The following SPIDR variants were observed in gnomAD, a reference collection of about 807,000 sequenced individuals.
The protein encoded by SPIDR is DNA repair-scaffolding protein.
A neutral mutation model predicts 104.6 loss-of-function variants in SPIDR; 93 were observed. The observed-to-expected ratio is 0.89, with a 90% CI of 0.75 to 1.06. The LOEUF is 1.06. SPIDR is among the 50% of genes least tolerant of loss of function. The probability of loss-of-function intolerance (pLI) is 0.00; values close to 1 mark genes in which losing one functional copy is unlikely to be tolerated. For synonymous variants in SPIDR, 431 were observed against 416.9 expected, an observed-to-expected ratio of 1.03 and a Z score of -0.41; for missense variants, 1,154 against 1,111.2, an observed-to-expected ratio of 1.04 and a Z score of -0.55.
chr8:47,547,107 A>G (rs1201760852), intron 8 of SPIDR: 13 of 572,714 alleles, frequency 2.3e-5, no homozygotes, highest in South Asian at 1.1e-4. Context: ...TTCCAAATCA[A>G]TCTGAATGGG....
At chr8:47,570,990 C>CT (rs971012385) in intron 8 of SPIDR, among the ~76,000 whole-genome samples, 2 of 151,956 alleles carry the variant, frequency 1.3e-5, no homozygotes, top group African/African-American at 2.4e-5. Context: ...ACTCGGGAAG[C>CT]TGAGACAGGA....
intron 8 of SPIDR, among the ~76,000 whole-genome samples, chr8:47,521,962 G>A (rs991104225): frequency 2.0e-4 from 31 of 151,244 alleles, no homozygotes; most frequent in African/African-American, 2.7e-4. Context: ...TCAGGAGTTC[G>A]AGACCAGCCT....
intron 5 of SPIDR, among the ~76,000 whole-genome samples, chr8:47,325,141 A>AT (rs2047445489): frequency 6.6e-6 from 1 of 152,212 alleles, no homozygotes; most frequent in Non-Finnish European, 1.5e-5. Context: ...AGCCTATAAT[A>AT]GTGCTATAAA....
intron 19 of SPIDR, chr8:47,732,341 A>T: frequency 1.6e-6 from 1 of 636,500 alleles, no homozygotes; most frequent in Non-Finnish European, 2.8e-6. Context: ...ACCTTTGCCC[A>T]TGCCCGTGTG....
intron 7 of SPIDR, among the ~76,000 whole-genome samples, chr8:47,435,131 C>T (rs1413888325): frequency 6.6e-6 from 1 of 152,038 alleles, no homozygotes; most frequent in Non-Finnish European, 1.5e-5. Context: ...GTAGCTGAAA[C>T]TACAGTATAC....
intron 8 of SPIDR, among the ~76,000 whole-genome samples, chr8:47,468,059 C>T (rs1174259404): frequency 1.3e-5 from 2 of 151,984 alleles, no homozygotes; most frequent in Non-Finnish European, 2.9e-5. Flanking sequence ...TTCTATACAC[C>T]AGCCATCAAG....
At chr8:47,406,847 G>GT (rs1251842737) in intron 6 of SPIDR, among the ~76,000 whole-genome samples, 1 of 152,108 alleles carries the variant, frequency 6.6e-6, no homozygotes, top group Non-Finnish European at 1.5e-5. Context: ...CTAAATTCTG[G>GT]TTTTATCATC....
chr8:47,558,731 C>T (rs2056680384), intron 8 of SPIDR, among the ~76,000 whole-genome samples: 1 of 152,118 alleles, frequency 6.6e-6, no homozygotes, highest in African/African-American at 2.4e-5. Context: ...GCTCCGCCTC[C>T]TGGGTTCACA....
Position 47,726,202 on chromosome 8 carries a change from A to T in SPIDR, c.2342-998A>T, listed in dbSNP as rs557057356. Reference sequence around the variant, plus strand: ...AGCTAGGGCAGCCTTTTCAAAATCAAGATCTATTATTTTCATTTTTAAAAA... The same window carrying T: ...AGCTAGGGCAGCCTTTTCAAAATCATGATCTATTATTTTCATTTTTAAAAA... On this transcript the variant is annotated intron_variant, in intron 16 of 19. Coordinates refer to ENST00000297423, the MANE Select transcript of SPIDR (RefSeq NM_001080394.4). 3.3e-5 allele frequency among the ~76,000 whole-genome samples: 5 copies of T among 152,348 alleles called. No homozygotes were observed. In the East Asian group the frequency reaches 7.7e-4, roughly 24 times the overall value.
At chr8:47,662,692 A>G (rs1436329754) in intron 10 of SPIDR, among the ~76,000 whole-genome samples, 1 of 152,238 alleles carries the variant, frequency 6.6e-6, no homozygotes, top group Non-Finnish European at 1.5e-5. Flanking sequence ...TGCAATAAAT[A>G]GTCTTTCCTC....
intron 10 of SPIDR, among the ~76,000 whole-genome samples, chr8:47,602,404 G>A (rs906603488): frequency 2.0e-5 from 3 of 152,160 alleles, no homozygotes; most frequent in Non-Finnish European, 4.4e-5. Flanking sequence ...CTACCCCAGA[G>A]ATCTTTCAAA....
chr8:47,625,978 C>T (rs2066021389), intron 10 of SPIDR, among the ~76,000 whole-genome samples: 1 of 152,202 alleles, frequency 6.6e-6, no homozygotes, highest in South Asian at 2.1e-4. Flanking sequence ...CACTACCTGA[C>T]TTCAAACTAT....
chr8:47,365,272 T>C (rs782779415), intron 5 of SPIDR, among the ~76,000 whole-genome samples: 1 of 152,154 alleles, frequency 6.6e-6, no homozygotes, highest in Non-Finnish European at 1.5e-5. Context: ...GATGGAAGCC[T>C]CCTCACACCT....
chr8:47,395,699 A>G (rs1588138730), intron 5 of SPIDR, among the ~76,000 whole-genome samples: 1 of 152,224 alleles, frequency 6.6e-6, no homozygotes, highest in East Asian at 1.9e-4. Context: ...ATACGATATG[A>G]ATTCTTGTTT....
chr8:47,487,922 A>G (rs1007618813), intron 8 of SPIDR, among the ~76,000 whole-genome samples: 1 of 152,196 alleles, frequency 6.6e-6, no homozygotes, highest in Non-Finnish European at 1.5e-5. Flanking sequence ...TAAAATTGAC[A>G]CCCTAACATC....
At position 47,673,834 on chromosome 8, in the gene SPIDR, G is replaced by C; in HGVS notation, c.1578G>C (p.Met526Ile). Reference protein sequence around the residue: ...ACLLVQDACGMFGEVHLEFTM... With the variant: ...ACLLVQDACGIFGEVHLEFTM... Reference sequence around the variant, plus strand: ...TTCTGGTACAAGATGCCTGTGGAATGTTCGGTGAAGTGCACTTGGAGTTCA... The same window carrying C: ...TTCTGGTACAAGATGCCTGTGGAATCTTCGGTGAAGTGCACTTGGAGTTCA... Residue 526 changes from methionine (M) to isoleucine (I), a missense_variant, in exon 11 of 20, where the codon ATG (methionine) becomes ATC (isoleucine). Transcript: ENST00000297423. The C allele has an allele frequency of 6.2e-7, 1 of 1,614,164 alleles. No homozygotes were observed. The highest frequency in any genetic ancestry group is 8.5e-7 in the Non-Finnish European group (1 of 1,180,036).
chr8:47,467,923 G>C (rs574497685), intron 8 of SPIDR, among the ~76,000 whole-genome samples: 2 of 152,156 alleles, frequency 1.3e-5, no homozygotes, highest in Admixed American at 1.3e-4. Context: ...AATTATTCCT[G>C]TTTGCAGAAG....
chr8:47,578,389 G>A (rs938826890), intron 8 of SPIDR, among the ~76,000 whole-genome samples: 23 of 152,096 alleles, frequency 1.5e-4, no homozygotes, highest in Admixed American at 9.8e-4. Context: ...GGAGAATGGC[G>A]TGAACCTGGG....
chr8:47,524,640 A>G (rs1289881173), intron 8 of SPIDR, among the ~76,000 whole-genome samples: 1 of 152,246 alleles, frequency 6.6e-6, no homozygotes, highest in East Asian at 1.9e-4. Flanking sequence ...GGGCCAAAGT[A>G]TGCGACTGTC....
Sources: allele counts gnomAD v4.1 joint callset (sites outside exome capture counted in the v4.1 genomes callset), GRCh38; gene constraint gnomAD v4.1.1; transcripts MANE v1.5; gene names NCBI Gene and HGNC (gene_info 2026-07-23, HGNC 2026-07-21).